The following CLOCK variants were observed in gnomAD, a reference collection of about 807,000 sequenced individuals.
CLOCK encodes circadian locomoter output cycles protein kaput.
CLOCK carries 43 observed loss-of-function variants against 118.4 expected under a neutral mutation model. The ratio of observed to expected loss-of-function variants is 0.36; its 90% CI spans 0.28 to 0.47. CLOCK has a LOEUF of 0.47. Among genes scored for constraint, CLOCK ranks in the 20% least tolerant of loss-of-function variants. The pLI, the probability that CLOCK is intolerant of heterozygous loss-of-function variation, is 1.00. For missense variants in CLOCK, 846 were observed against 999.9 expected (o/e 0.85, Z 2.08); for synonymous variants, 326 against 339.2 (o/e 0.96, Z 0.43).
chr4:55,522,429 C>T (rs943179675), intron 1 of CLOCK, among the ~76,000 whole-genome samples: 3 of 150,368 alleles, frequency 2.0e-5, no homozygotes, highest in Non-Finnish European at 4.4e-5. Flanking sequence ...ATCCAAAGTT[C>T]GTAACAAGAT....
intron 22 of CLOCK, among the ~76,000 whole-genome samples, chr4:55,436,032 G>A (rs879364073): frequency 7.2e-5 from 11 of 152,154 alleles, no homozygotes; most frequent in South Asian, 2.1e-4. Flanking sequence ...GGCCAGGAGC[G>A]TGGTGGGCCC....
At chr4:55,522,529 G>A (rs1184750475) in intron 1 of CLOCK, among the ~76,000 whole-genome samples, 7 of 150,586 alleles carry the variant, frequency 4.6e-5, no homozygotes, top group African/African-American at 1.5e-4. Flanking sequence ...CATAAAGAAC[G>A]AATAAACATA....
intron 2 of CLOCK, among the ~76,000 whole-genome samples, chr4:55,497,932 G>T (rs1218223168): frequency 1.3e-5 from 2 of 151,086 alleles, no homozygotes; most frequent in African/African-American, 2.4e-5. Flanking sequence ...AAGGGCAAAT[G>T]TATATAGATT....
At position 55,428,242 on chromosome 4, in the gene CLOCK, C is replaced by A. The variant is rs1722317646; in HGVS notation, c.*7173G>T. ...GAATAATGATTACACAGCAAGAGGC[C>A]TGAGTGGAGGTAGGCTAACAACACA... On this transcript the variant is annotated 3_prime_UTR_variant, in exon 23 of 23. Transcript: ENST00000513440. 1 of 152,084 alleles carries A rather than the reference C, an allele frequency of 6.6e-6. No individual in the cohort carries two copies. Among genetic ancestry groups the A allele is most frequent in the Non-Finnish European group, 1.5e-5 (1 of 68,026 alleles). 9.4% of individuals were successfully genotyped at this position (152,084 alleles called of 1,614,324 possible). A position where few individuals can be genotyped will look rare whatever the true frequency, so the allele number is the denominator to read the frequency against.
At chr4:55,468,730 G>C (rs563932651) in intron 8 of CLOCK, among the ~76,000 whole-genome samples, 10 of 152,284 alleles carry the variant, frequency 6.6e-5, no homozygotes, top group African/African-American at 2.4e-4. Context: ...TCAACAGGCT[G>C]ATTAAAATGG....
At chr4:55,468,516 C>T (rs1393915555) in intron 8 of CLOCK, among the ~76,000 whole-genome samples, 1 of 152,118 alleles carries the variant, frequency 6.6e-6, no homozygotes, top group Admixed American at 6.6e-5. Flanking sequence ...TCCTTCTGGT[C>T]ATATAGATAA....
intron 7 of CLOCK, among the ~76,000 whole-genome samples, chr4:55,474,108 C>G (rs561840296): frequency 1.3e-5 from 2 of 152,152 alleles, no homozygotes; most frequent in Admixed American, 6.5e-5. Flanking sequence ...AAAGCTAGAC[C>G]TCTTGCAACC....
intron 1 of CLOCK, among the ~76,000 whole-genome samples, chr4:55,519,293 GTGGTCCTCCTGCCT>G (rs1446069451): frequency 6.6e-6 from 1 of 152,172 alleles, no homozygotes; most frequent in Non-Finnish European, 1.5e-5. Flanking sequence ...CTAGCCTCAA[GTGGTCCTCCTGCCT>G]TGGCTTCCCA....
intron 1 of CLOCK, among the ~76,000 whole-genome samples, chr4:55,517,912 C>A (rs1275864983): frequency 6.6e-6 from 1 of 151,916 alleles, no homozygotes; most frequent in Non-Finnish European, 1.5e-5. Flanking sequence ...AATGTTTTTA[C>A]CCTTTGGTAC....
chr4:55,536,184 T>C (rs1300517158), intron 1 of CLOCK, among the ~76,000 whole-genome samples: 1 of 152,154 alleles, frequency 6.6e-6, no homozygotes, highest in Non-Finnish European at 1.5e-5. Context: ...ACCTTTGGCA[T>C]TGCTAAAGGG....
chr4:55,475,370 TGAA>T (rs1372136634), intron 7 of CLOCK, among the ~76,000 whole-genome samples: 2 of 152,314 alleles, frequency 1.3e-5, no homozygotes, highest in Admixed American at 6.5e-5. Context: ...ACTCTACTCC[TGAA>T]GAAGATGTGA....
At chr4:55,453,525 A>G (rs533831546) in intron 14 of CLOCK, 152 bp downstream of exon 14, 8 of 584,954 alleles carry the variant, frequency 1.4e-5, no homozygotes, top group South Asian at 5.5e-5. Flanking sequence ...TATAATGCCT[A>G]TAAGTAAATT....
intron 2 of CLOCK, among the ~76,000 whole-genome samples, chr4:55,496,673 G>T (rs1402062429): frequency 1.3e-5 from 2 of 152,136 alleles, no homozygotes. Flanking sequence ...TAAGGCTTCT[G>T]AAGATTATTT....
intron 1 of CLOCK, among the ~76,000 whole-genome samples, chr4:55,527,985 T>C (rs1033632659): frequency 5.3e-5 from 8 of 151,708 alleles, no homozygotes; most frequent in African/African-American, 1.9e-4. Flanking sequence ...TGAGCTATAA[T>C]TGGGCTACTG....
At chr4:55,492,690 T>C (rs1180177705) in intron 2 of CLOCK, among the ~76,000 whole-genome samples, 3 of 151,624 alleles carry the variant, frequency 2.0e-5, no homozygotes, top group African/African-American at 7.3e-5. Context: ...ACTACAAATA[T>C]AAAAATTAGC....
At chr4:55,538,084 T>C (rs1010569914) in intron 1 of CLOCK, among the ~76,000 whole-genome samples, 9 of 152,120 alleles carry the variant, frequency 5.9e-5, no homozygotes, top group African/African-American at 2.2e-4. Flanking sequence ...ATTACTAGTA[T>C]TCGGAATGAT....
rs1728242255 is a variant in CLOCK at position 55,498,636 on chromosome 4, T to G, written c.-135-9171A>C. 2.1e-5 allele frequency among the ~76,000 whole-genome samples: 3 copies of G among 141,018 alleles called. No homozygotes were observed. In the South Asian group the frequency reaches 7.1e-4, roughly 33 times the overall value. The allele number at this position is 141,018 out of a possible 152,430, so 92.5% of individuals were successfully genotyped here. ...TATTATTATTATTATTTTAACCCACTGACTGTTTGATCCTTACCCTAAAAT... is the reference window on the plus strand; with the variant it reads ...TATTATTATTATTATTTTAACCCACGGACTGTTTGATCCTTACCCTAAAAT... On this transcript the variant is annotated intron_variant, in intron 2 of 22. Coordinates refer to ENST00000513440, the MANE Select transcript of CLOCK (RefSeq NM_004898.4).
At chr4:55,474,427 C>T (rs1435495612) in intron 7 of CLOCK, among the ~76,000 whole-genome samples, 1 of 152,154 alleles carries the variant, frequency 6.6e-6, no homozygotes, top group Admixed American at 6.5e-5. Context: ...GCAGCAAGTG[C>T]TGATGTAGAA....
rs145705549 is a variant in CLOCK at position 55,506,709 on chromosome 4, G to A, written c.-136+3203C>T. 3.7e-3 allele frequency among the ~76,000 whole-genome samples: 567 copies of A among 151,876 alleles called. 6 individuals are homozygous for A. The highest frequency in any genetic ancestry group is 0.013 in the African/African-American group (539 of 41,432). On this transcript the variant is annotated intron_variant, in intron 2 of 22. Coordinates refer to ENST00000513440, the MANE Select transcript of CLOCK (RefSeq NM_004898.4). ...CAAGTAGCTGGGATTACAGGCTCCC[G>A]CCACCACACCTGGCTAATTTTTTGT...
Sources: allele counts gnomAD v4.1 joint callset (sites outside exome capture counted in the v4.1 genomes callset), GRCh38; gene constraint gnomAD v4.1.1; transcripts MANE v1.5; gene names NCBI Gene and HGNC (gene_info 2026-07-23, HGNC 2026-07-21).